AMN1: variants seen among roughly 807,000 people sequenced by gnomAD.
AMN1 encodes antagonist of mitotic exit network 1 homolog.
AMN1 carries 20 observed loss-of-function variants against 33.0 expected under a neutral mutation model. The observed-to-expected ratio is 0.61, with a 90% CI of 0.43 to 0.88. AMN1 has a LOEUF of 0.88. AMN1 is among the 40% of genes least tolerant of loss of function. The pLI, the probability that AMN1 is intolerant of heterozygous loss-of-function variation, is 0.00. For missense variants in AMN1, 246 were observed against 307.4 expected, an observed-to-expected ratio of 0.80 and a Z score of 1.49; for synonymous variants, 114 against 111.9, an observed-to-expected ratio of 1.02 and a Z score of -0.12.
chr12:31,695,828 T>C (rs1268230447), intron 5 of AMN1, among the ~76,000 whole-genome samples: 15 of 152,064 alleles, frequency 9.9e-5, no homozygotes, highest in Admixed American at 9.8e-4. Context: ...AAAATATATA[T>C]GCTACCAAGA....
At chr12:31,704,802 CCCT>C (rs928912128) in intron 2 of AMN1, among the ~76,000 whole-genome samples, 1 of 152,064 alleles carries the variant, frequency 6.6e-6, no homozygotes, top group African/African-American at 2.4e-5. Flanking sequence ...CCCTCTTCAC[CCCT>C]CCTTTTAAAT....
At position 31,694,442 on chromosome 12, in the gene AMN1, C is replaced by CAAA. The variant is rs71062451; in HGVS notation, c.591+2916_591+2918dup. Among the ~76,000 whole-genome samples the CAAA allele has an allele frequency of 7.8e-3, 908 of 116,730 alleles. 12 individuals carry two copies. Among genetic ancestry groups the CAAA allele is most frequent in the African/African-American group, 0.025 (742 of 29,116 alleles). 76.6% of individuals were successfully genotyped at this position (116,730 alleles called of 152,430 possible). A position where few individuals can be genotyped will look rare whatever the true frequency, so the allele number is the denominator to read the frequency against. ...GGGCCACAAGAGCGAAACTCTGTCTCAAAAAAAAAAAAAAAAAAATTAAGG... is the reference window on the plus strand; with the variant it reads ...GGGCCACAAGAGCGAAACTCTGTCTCAAAAAAAAAAAAAAAAAAAAAATTAAGG... On this transcript the variant is annotated intron_variant, in intron 5 of 6. Transcript: ENST00000281471.
intron 1 of AMN1, among the ~76,000 whole-genome samples, chr12:31,726,192 G>A (rs1303930040): frequency 7.1e-6 from 1 of 141,672 alleles, no homozygotes; most frequent in African/African-American, 2.6e-5. Context: ...ACGGAGTTTC[G>A]CTCTTGTTGC....
Position 31,697,973 on chromosome 12 carries a change from A to G in AMN1, c.317-16T>C. The G allele has an allele frequency of 6.2e-7, 1 of 1,610,462 alleles. No individual in the cohort carries two copies. Among genetic ancestry groups the G allele is most frequent in the Non-Finnish European group, 8.5e-7 (1 of 1,176,896 alleles). On this transcript the variant is annotated splice_polypyrimidine_tract_variant and intron_variant, in intron 3 of 6. Transcript: ENST00000281471. ...GCTTTTATTCCTGGGGGAAAATATAATTATATATCAATGAGCTATATGTGT... is the reference window on the plus strand; with the variant it reads ...GCTTTTATTCCTGGGGGAAAATATAGTTATATATCAATGAGCTATATGTGT...
At chr12:31,682,582 G>T (rs1418559764) in intron 6 of AMN1, among the ~76,000 whole-genome samples, 1 of 152,102 alleles carries the variant, frequency 6.6e-6, no homozygotes, top group Non-Finnish European at 1.5e-5. Flanking sequence ...TTTATAGCCT[G>T]GGGTTTTTAT....
chr12:31,686,806 G>A (rs1302814905), intron 6 of AMN1, among the ~76,000 whole-genome samples: 2 of 152,146 alleles, frequency 1.3e-5, no homozygotes, highest in Non-Finnish European at 2.9e-5. Flanking sequence ...TCGAAAAACT[G>A]TAAATTGATC....
intron 6 of AMN1, among the ~76,000 whole-genome samples, chr12:31,677,258 C>T (rs1361403012): frequency 6.6e-6 from 1 of 152,148 alleles, no homozygotes; most frequent in East Asian, 1.9e-4. Flanking sequence ...CGAGATCGCG[C>T]CACTGCACTC....
intron 6 of AMN1, among the ~76,000 whole-genome samples, chr12:31,678,713 T>G (rs1010076314): frequency 6.6e-6 from 1 of 152,206 alleles, no homozygotes; most frequent in Non-Finnish European, 1.5e-5. Context: ...ATACAAACTT[T>G]TAACAAAGTA....
intron 6 of AMN1, among the ~76,000 whole-genome samples, chr12:31,674,555 CT>C (rs1951347020): frequency 6.6e-6 from 1 of 152,098 alleles, no homozygotes; most frequent in Admixed American, 6.5e-5. Context: ...TAAAAATCAA[CT>C]GATTAGCAAC....
intron 5 of AMN1, 103 bp from the exon 6 acceptor site, chr12:31,689,221 T>G: frequency 2.6e-6 from 2 of 761,804 alleles, no homozygotes; most frequent in Non-Finnish European, 4.2e-6. Flanking sequence ...ACCAGATATC[T>G]ACTTGCAAAA....
rs35531262 is a variant in AMN1 at position 31,691,137 on chromosome 12, C to CA, written c.592-2020dup. On this transcript the variant is annotated intron_variant, in intron 5 of 6. Coordinates refer to ENST00000281471, the MANE Select transcript of AMN1 (RefSeq NM_001113402.2). The stretch of plus-strand genomic sequence containing the variant: ...TGGGTGATAGAGCAAGACTCCGTCT[C>CA]AAAAAAAAAAAAAAAGGAATGAAAT... Among the ~76,000 whole-genome samples the CA allele has an allele frequency of 5.8e-4, 72 of 124,718 alleles. 1 individual carries two copies. The East Asian group carries it at 0.011, about 19-fold the overall frequency. The allele number at this position is 124,718 out of a possible 152,430, so 81.8% of individuals were successfully genotyped here. A position where few individuals can be genotyped will look rare whatever the true frequency, so the allele number is the denominator to read the frequency against.
At chr12:31,721,749 G>A (rs924830561) in intron 1 of AMN1, among the ~76,000 whole-genome samples, 1 of 152,066 alleles carries the variant, frequency 6.6e-6, no homozygotes, top group African/African-American at 2.4e-5. Flanking sequence ...ACAAACTAGC[G>A]GATTACAGAC....
intron 1 of AMN1, among the ~76,000 whole-genome samples, chr12:31,713,202 G>A (rs968591823): frequency 6.6e-6 from 1 of 151,748 alleles, no homozygotes; most frequent in African/African-American, 2.4e-5. Flanking sequence ...GAGATGTAAT[G>A]TTCTCTCTGT....
chr12:31,680,768 C>T (rs1342923556), intron 6 of AMN1, among the ~76,000 whole-genome samples: 1 of 152,104 alleles, frequency 6.6e-6, no homozygotes, highest in East Asian at 1.9e-4. Context: ...ATTGCACATG[C>T]ATATGCAAGT....
chr12:31,684,625 C>G (rs893019774), intron 6 of AMN1, among the ~76,000 whole-genome samples: 4 of 152,104 alleles, frequency 2.6e-5, no homozygotes, highest in African/African-American at 9.7e-5. Context: ...CGCCCGCCAC[C>G]ATGCCCGGCT....
rs77589513 is a variant in AMN1, at chr12:31,692,887, G to A, written c.592-3769C>T. 4.4e-4 allele frequency among the ~76,000 whole-genome samples: 67 copies of A among 152,122 alleles called. 1 individual carries two copies. In the East Asian group the frequency reaches 0.013, roughly 29 times the overall value. ...AACTTATGAAATGACTGTAATATAA[G>A]GCTAAGAATGTGATAACATTTATTG... On this transcript the variant is annotated intron_variant, in intron 5 of 6. Coordinates refer to ENST00000281471, the MANE Select transcript of AMN1 (RefSeq NM_001113402.2).
At chr12:31,696,405 C>A (rs1354278182) in intron 5 of AMN1, among the ~76,000 whole-genome samples, 2 of 151,854 alleles carry the variant, frequency 1.3e-5, no homozygotes, top group East Asian at 1.9e-4. Context: ...CACCACTGTG[C>A]CCTATTAAAA....
intron 2 of AMN1, among the ~76,000 whole-genome samples, chr12:31,707,607 T>C (rs1314283106): frequency 6.6e-6 from 1 of 152,216 alleles, no homozygotes; most frequent in Non-Finnish European, 1.5e-5. Context: ...ACCTTTCTCT[T>C]TAAAAGACCT....
chr12:31,712,844 C>T (rs545296608), intron 1 of AMN1, among the ~76,000 whole-genome samples: 9 of 151,970 alleles, frequency 5.9e-5, no homozygotes, highest in South Asian at 2.1e-4. Flanking sequence ...TTAGTAGAGA[C>T]GGGGTTTCAC....
Sources: allele counts gnomAD v4.1 joint callset (sites outside exome capture counted in the v4.1 genomes callset), GRCh38; gene constraint gnomAD v4.1.1; transcripts MANE v1.5; gene names NCBI Gene and HGNC (gene_info 2026-07-23, HGNC 2026-07-21).